Variants in NCAM1 observed in about 807,000 individuals in gnomAD.
NCAM1 encodes the protein neural cell adhesion molecule 1.
Under a neutral mutation model 109.8 loss-of-function variants are expected in NCAM1, and 14 were observed. The ratio of observed to expected loss-of-function variants is 0.13; its 90% CI spans 0.08 to 0.20. The LOEUF is 0.20. NCAM1 is among the 10% of genes least tolerant of loss of function. NCAM1 has a pLI of 1.00. For missense variants in NCAM1, 774 were observed against 1,109.9 expected (o/e 0.70, Z 4.30); for synonymous variants, 418 against 442.9 (o/e 0.94, Z 0.70).
chr11:113,056,547 C>T (rs1461398150), intron 1 of NCAM1, among the ~76,000 whole-genome samples: 1 of 152,148 alleles, frequency 6.6e-6, no homozygotes, highest in African/African-American at 2.4e-5. Context: ...TCATGTTTAT[C>T]TTGCTGACAA....
chr11:112,966,749 G>A (rs979984391), intron 1 of NCAM1, among the ~76,000 whole-genome samples: 1 of 152,292 alleles, frequency 6.6e-6, no homozygotes. Context: ...TTTGATGTTG[G>A]CCTGGGTGCC....
intron 1 of NCAM1, among the ~76,000 whole-genome samples, chr11:113,193,237 G>A (rs1461044502): frequency 6.6e-6 from 1 of 152,182 alleles, no homozygotes; most frequent in Non-Finnish European, 1.5e-5. Flanking sequence ...AAGTTAGGCG[G>A]GAGTCTCTCC....
At chr11:113,095,850 T>C (rs1939571749) in intron 1 of NCAM1, among the ~76,000 whole-genome samples, 1 of 152,178 alleles carries the variant, frequency 6.6e-6, no homozygotes, top group Non-Finnish European at 1.5e-5. Flanking sequence ...CTTGAGCAAA[T>C]TCCTGTCATC....
intron 9 of NCAM1, among the ~76,000 whole-genome samples, chr11:113,230,090 A>G (rs1005831276): frequency 1.2e-3 from 181 of 152,286 alleles, no homozygotes; most frequent in African/African-American, 4.2e-3. Flanking sequence ...AATTAAAAAA[A>G]AAAAGAAAAA....
At chr11:113,202,581 C>G (rs886074140) in intron 2 of NCAM1, 128 bp downstream of exon 2, 2 of 779,292 alleles carry the variant, frequency 2.6e-6, no homozygotes, top group African/African-American at 3.5e-5. Context: ...TGCTCTATTA[C>G]AGGGTCAATA....
At position 113,276,160 on chromosome 11, in the gene NCAM1, A is replaced by C. The variant is rs1555126576; in HGVS notation, c.*773A>C. The C allele has an allele frequency of 6.6e-6, 1 of 152,500 alleles. No homozygotes were observed. The highest frequency in any genetic ancestry group is 3.2e-3 in the Middle Eastern group (1 of 316). 9.4% of individuals were successfully genotyped at this position (152,500 alleles called of 1,614,324 possible). A position where few individuals can be genotyped will look rare whatever the true frequency, so the allele number is the denominator to read the frequency against. On this transcript the variant is annotated 3_prime_UTR_variant, in exon 20 of 20. Coordinates refer to ENST00000316851, the MANE Select transcript of NCAM1 (RefSeq NM_181351.5). ...TTGGTTGTGTTTAAATGTCCGTGTA[A>C]AATAGCTGCCTTTTATTTTTTAAGG...
At chr11:113,244,152 A>G (rs563729186) in intron 14 of NCAM1, among the ~76,000 whole-genome samples, 13 of 152,252 alleles carry the variant, frequency 8.5e-5, no homozygotes, top group Admixed American at 5.9e-4. Flanking sequence ...AACCTGGTGC[A>G]ATGTGTGTCC....
chr11:113,134,733 C>T (rs1941536336), intron 1 of NCAM1, among the ~76,000 whole-genome samples: 1 of 152,198 alleles, frequency 6.6e-6, no homozygotes, highest in Non-Finnish European at 1.5e-5. Flanking sequence ...CACCCTCACA[C>T]TGGAATGATT....
At chr11:113,032,699 C>A (rs1468441927) in intron 1 of NCAM1, among the ~76,000 whole-genome samples, 11 of 152,190 alleles carry the variant, frequency 7.2e-5, no homozygotes, top group African/African-American at 2.6e-4. Flanking sequence ...TTTTCTGTGT[C>A]CCTTTGAGAA....
chr11:113,049,380 A>T (rs1555081423), intron 1 of NCAM1, among the ~76,000 whole-genome samples: 1 of 152,192 alleles, frequency 6.6e-6, no homozygotes, highest in Admixed American at 6.5e-5. Flanking sequence ...TTATTTAGAA[A>T]TGCCTTTGAA....
intron 1 of NCAM1, among the ~76,000 whole-genome samples, chr11:113,128,946 T>C (rs150869132): frequency 0.044 from 6,355 of 142,984 alleles, 514 homozygotes; most frequent in East Asian, 0.18. Context: ...TGTGTGTGTG[T>C]GTGCATGCGT....
At chr11:113,065,435 T>G (rs938197198) in intron 1 of NCAM1, among the ~76,000 whole-genome samples, 31 of 151,810 alleles carry the variant, frequency 2.0e-4, no homozygotes, top group African/African-American at 7.5e-4. Flanking sequence ...GAAAAAAGAG[T>G]AACTTCACAG....
chr11:113,256,455 C>T (rs1945837323), intron 16 of NCAM1, among the ~76,000 whole-genome samples: 1 of 152,214 alleles, frequency 6.6e-6, no homozygotes, highest in Admixed American at 6.5e-5. Flanking sequence ...CCCCTCTTTA[C>T]AGATGAAGTA....
chr11:113,024,412 T>G (rs1301227073), intron 1 of NCAM1, among the ~76,000 whole-genome samples: 1 of 152,214 alleles, frequency 6.6e-6, no homozygotes, highest in Non-Finnish European at 1.5e-5. Flanking sequence ...TGTAGTCTCC[T>G]CTCAATTCAT....
chr11:113,262,691 T>C (rs1185811588), intron 17 of NCAM1, among the ~76,000 whole-genome samples: 1 of 152,202 alleles, frequency 6.6e-6, no homozygotes, highest in Non-Finnish European at 1.5e-5. Context: ...TTTTTCTCTG[T>C]TTCTGTCTCT....
chr11:113,214,425 G>A lies in NCAM1; in HGVS notation c.973G>A (p.Val325Ile), dbSNP rs782124434. 1.9e-6 allele frequency: 3 copies of A among 1,613,726 alleles called. No individual in the cohort carries two copies. Among genetic ancestry groups the A allele is most frequent in the Non-Finnish European group, 2.5e-6 (3 of 1,179,812 alleles). The change falls in exon 8 of 20, where the codon GTC becomes ATC. Residue 325 changes from valine (V) to isoleucine (I), a missense_variant. Physicochemically the swap from Val to Ile is conservative, Grantham distance 29 (BLOSUM62 3). This residue lies in a region of NCAM1 where 523 missense variants were observed against 784.2 expected (regional missense o/e 0.67). Coordinates refer to ENST00000316851, the MANE Select transcript of NCAM1 (RefSeq NM_181351.5). The part of the protein sequence containing the change: ...NQTAMELEEQ[V>I]TLTCEASGDP... ...GACTGCCATGGAATTAGAGGAGCAG[G>A]TCACTCTTACCTGTGAAGCCTCCGG...
intron 7 of NCAM1, among the ~76,000 whole-genome samples, chr11:113,213,334 A>C (rs1182494793): frequency 6.6e-6 from 1 of 152,216 alleles, no homozygotes; most frequent in Non-Finnish European, 1.5e-5. Context: ...AAAGTTCAGC[A>C]ATTTCAGAGC....
intron 1 of NCAM1, among the ~76,000 whole-genome samples, chr11:112,985,169 A>G (rs996425973): frequency 9.9e-5 from 15 of 151,322 alleles, no homozygotes; most frequent in African/African-American, 3.4e-4. Flanking sequence ...AAATTAGGGC[A>G]TATAATGCCA....
intron 1 of NCAM1, among the ~76,000 whole-genome samples, chr11:113,100,224 C>T (rs2135852552): frequency 6.6e-6 from 1 of 152,238 alleles, no homozygotes; most frequent in East Asian, 1.9e-4. Flanking sequence ...GTGTGGCTTG[C>T]TTACAAGGGG....
Sources: allele counts gnomAD v4.1 joint callset (sites outside exome capture counted in the v4.1 genomes callset), GRCh38; gene constraint gnomAD v4.1.1; regional missense constraint gnomAD v4.1.1; transcripts MANE v1.5; gene names NCBI Gene and HGNC (gene_info 2026-07-23, HGNC 2026-07-21).